Variants in BLACAT1 observed in about 807,000 individuals in gnomAD.
BLACAT1 encodes the protein bladder cancer associated transcript 1.
downstream of BLACAT1, chr1:205,436,552 A>T (rs1222574052): frequency 6.6e-6 from 1 of 151,822 alleles, no homozygotes; most frequent in Non-Finnish European, 1.5e-5. Flanking sequence ...CAAGGCAGAT[A>T]CCCTTGTCAG....
At position 205,450,590 on chromosome 1, in the gene BLACAT1, C is replaced by T. The variant is rs573693555; in HGVS notation, c.-37+5327G>A. ...CTTTCTCAGACCTGCTCGAGCCTGG[C>T]CCCCTCCACCCACCCTCACCCAGTC... On this transcript the variant is annotated intron_variant, in intron 1 of 1. Transcript: ENST00000629624. The surrounding 1 kb of genome is among the most constrained non-coding windows in gnomAD (Gnocchi z 4.4). 3.9e-5 allele frequency among the ~76,000 whole-genome samples: 6 copies of T among 152,168 alleles called. No homozygotes were observed. The highest frequency in any genetic ancestry group is 3.4e-3 in the Middle Eastern group (1 of 294).
intron 1 of BLACAT1, among the ~76,000 whole-genome samples, chr1:205,455,027 G>A (rs1283739925): frequency 6.6e-6 from 1 of 152,164 alleles, no homozygotes; most frequent in Non-Finnish European, 1.5e-5. Flanking sequence ...GCCCTCTCCT[G>A]ACCAGCTCAG....
downstream of BLACAT1, chr1:205,437,127 A>G (rs1666222997): frequency 6.6e-6 from 1 of 152,454 alleles, no homozygotes; most frequent in South Asian, 2.1e-4. Flanking sequence ...TAGACAGGAC[A>G]AACTCCAGCC....
chr1:205,443,540 T>C (rs1312221817), intron 1 of BLACAT1, among the ~76,000 whole-genome samples: 2 of 152,178 alleles, frequency 1.3e-5, no homozygotes, highest in African/African-American at 2.4e-5. Context: ...CTAGGGGCTG[T>C]AGCCTGGCTC....
intron 1 of BLACAT1, chr1:205,449,843 G>C (rs1329553587): frequency 1.3e-5 from 2 of 152,560 alleles, no homozygotes; most frequent in East Asian, 1.9e-4. Flanking sequence ...TGGGCCAGGG[G>C]CTGGGGGTCC....
rs924222151 is a variant in BLACAT1, at chr1:205,450,971, C to T, written c.-37+4946G>A. 6.6e-6 allele frequency among the ~76,000 whole-genome samples: 1 copy of T among 152,218 alleles called. No individual in the cohort carries two copies. Among genetic ancestry groups the T allele is most frequent in the Admixed American group, 6.5e-5 (1 of 15,284 alleles). ...GCGAGAACCTCGAGGACTCCCTCTC[C>T]TCAAGATGGGGCCATGCCCACGATT... On this transcript the variant is annotated intron_variant, in intron 1 of 1. Coordinates refer to ENST00000629624, the Ensembl canonical transcript of BLACAT1. This position sits in a 1 kb window ranked among gnomAD's most constrained non-coding sequence, Gnocchi z 4.4.
chr1:205,440,568 G>A (rs1666276604), exon 2 of BLACAT1: 2 of 152,272 alleles, frequency 1.3e-5, no homozygotes, highest in South Asian at 2.1e-4. Flanking sequence ...GCCTCATGCG[G>A]TTACCCTGAG....
chr1:205,444,822 C>T (rs1666356061), intron 1 of BLACAT1, among the ~76,000 whole-genome samples: 1 of 151,970 alleles, frequency 6.6e-6, no homozygotes. Context: ...CCCCACGACC[C>T]ATCCCTTCAT....
intron 1 of BLACAT1, among the ~76,000 whole-genome samples, chr1:205,452,778 T>C (rs1359386617): frequency 6.6e-6 from 1 of 152,140 alleles, no homozygotes; most frequent in Non-Finnish European, 1.5e-5. Flanking sequence ...AGGAAGATAC[T>C]AAATAAAAGC....
At chr1:205,436,136 G>A (rs1666200330), downstream of BLACAT1, 1 of 152,572 alleles carries the variant, frequency 6.6e-6, no homozygotes, top group Non-Finnish European at 1.5e-5. Context: ...CCCTCAGATG[G>A]AACACGGGAA....
In BLACAT1 at chr1:205,448,767, T is replaced by TGCC. The variant is rs1381093445; in HGVS notation, c.-37+7147_-37+7149dup. Reference sequence around the variant, plus strand: ...GGCCGGATCTTTTCAAGGCTGCTGCTGCCAGTACCCAGGATGGGGGGCCCC... The same window carrying TGCC: ...GGCCGGATCTTTTCAAGGCTGCTGCTGCCGCCAGTACCCAGGATGGGGGGCCCC... On this transcript the variant is annotated intron_variant, in intron 1 of 1. Coordinates refer to ENST00000629624, the Ensembl canonical transcript of BLACAT1. The surrounding 1 kb of genome is among the most constrained non-coding windows in gnomAD (Gnocchi z 4.7). 6.6e-6 allele frequency among the ~76,000 whole-genome samples: 1 copy of TGCC among 152,192 alleles called. No homozygotes were observed. Among genetic ancestry groups the TGCC allele is most frequent in the East Asian group, 1.9e-4 (1 of 5,192 alleles).
In BLACAT1 at chr1:205,448,270, G is replaced by C. The variant is rs772417608; in HGVS notation, c.-36-7208C>G. Reference sequence around the variant, plus strand: ...CCCCTTGGTGGCTGGCTCCGAACCTGGTCCCATGGGAGGTGCAGCTGCGCA... The same window carrying C: ...CCCCTTGGTGGCTGGCTCCGAACCTCGTCCCATGGGAGGTGCAGCTGCGCA... On this transcript the variant is annotated intron_variant, in intron 1 of 1. Coordinates refer to ENST00000629624, the Ensembl canonical transcript of BLACAT1. The surrounding 1 kb of genome is among the most constrained non-coding windows in gnomAD (Gnocchi z 4.7). The C allele has an allele frequency of 9.7e-6, 5 of 512,888 alleles. No individual in the cohort carries two copies. Among genetic ancestry groups the C allele is most frequent in the Admixed American group, 2.0e-5 (1 of 50,204 alleles). 31.8% of individuals were successfully genotyped at this position (512,888 alleles called of 1,614,324 possible).
At chr1:205,449,687 T>C (rs1666462131) in intron 1 of BLACAT1, among the ~76,000 whole-genome samples, 1 of 152,098 alleles carries the variant, frequency 6.6e-6, no homozygotes, top group Non-Finnish European at 1.5e-5. Context: ...GCCTCCCACC[T>C]GAACTTTGGG....
At position 205,448,225 on chromosome 1, in the gene BLACAT1, A is replaced by G; in HGVS notation, c.-36-7163T>C. ...CAGATCCCGTGATGCCCCACCCCCA[A>G]GCAAAGCCTCCTTCTGGTGCCCCTT... On this transcript the variant is annotated intron_variant, in intron 1 of 1. Coordinates refer to ENST00000629624, the Ensembl canonical transcript of BLACAT1. The surrounding 1 kb of genome is among the most constrained non-coding windows in gnomAD (Gnocchi z 4.7). The G allele has an allele frequency of 2.1e-6, 1 of 479,446 alleles. No homozygotes were observed. Among genetic ancestry groups the G allele is most frequent in the Non-Finnish European group, 4.4e-6 (1 of 227,780 alleles). The allele number at this position is 479,446 out of a possible 1,614,324, so 29.7% of individuals were successfully genotyped here. A position where few individuals can be genotyped will look rare whatever the true frequency, so the allele number is the denominator to read the frequency against.
intron 1 of BLACAT1, among the ~76,000 whole-genome samples, chr1:205,454,833 G>C (rs752488885): frequency 2.0e-5 from 3 of 151,170 alleles, no homozygotes; most frequent in Non-Finnish European, 2.9e-5. Context: ...CTCAAGTTGA[G>C]AAAAGTTGTT....
At chr1:205,455,528 G>A (rs986446052) in intron 1 of BLACAT1, among the ~76,000 whole-genome samples, 6 of 152,150 alleles carry the variant, frequency 3.9e-5, no homozygotes, top group Non-Finnish European at 7.3e-5. Flanking sequence ...CCATACCATG[G>A]GGTATAAAGG....
At chr1:205,446,786 G>A (rs916045350) in intron 1 of BLACAT1, among the ~76,000 whole-genome samples, 7 of 152,168 alleles carry the variant, frequency 4.6e-5, no homozygotes, top group Non-Finnish European at 8.8e-5. Flanking sequence ...AACCCAGAGG[G>A]CAAGTAAGAA....
At chr1:205,455,367 G>A (rs557141080) in intron 1 of BLACAT1, among the ~76,000 whole-genome samples, 71 of 152,298 alleles carry the variant, frequency 4.7e-4, no homozygotes, top group Middle Eastern at 6.8e-3. Flanking sequence ...ATATACTGGA[G>A]TTGGTGGTTT....
chr1:205,451,591 G>C (rs1666498548), intron 1 of BLACAT1, among the ~76,000 whole-genome samples: 1 of 152,152 alleles, frequency 6.6e-6, no homozygotes, highest in Non-Finnish European at 1.5e-5. Flanking sequence ...GGAATAAAAG[G>C]AGGTGGGAGA....
Sources: allele counts gnomAD v4.1 joint callset (sites outside exome capture counted in the v4.1 genomes callset), GRCh38; gene constraint gnomAD v4.1.1; non-coding constraint Gnocchi (gnomAD v3.1); transcripts MANE v1.5; gene names NCBI Gene and HGNC (gene_info 2026-07-23, HGNC 2026-07-21).